ITSN2: variants seen among roughly 807,000 people sequenced by gnomAD.
The protein encoded by ITSN2 is intersectin 2, also known as intersectin-2.
In ITSN2, 156 loss-of-function variants were observed where a neutral mutation model predicts 243.7. The ratio of observed to expected loss-of-function variants is 0.64; its 90% confidence interval spans 0.56 to 0.73. The LOEUF is 0.73. ITSN2 is among the 30% of genes least tolerant of loss of function. ITSN2 has a pLI of 0.00. For synonymous variants in ITSN2, 703 were observed against 699.9 expected (o/e 1.00, Z -0.07); for missense variants, 1,801 against 1,996.1 (o/e 0.90, Z 1.86).
At chr2:24,327,312 T>C (rs2151835969) in intron 2 of ITSN2, among the ~76,000 whole-genome samples, 1 of 152,150 alleles carries the variant, frequency 6.6e-6, no homozygotes, top group East Asian at 1.9e-4. Flanking sequence ...TTTTCTTTTT[T>C]TTTTAAATGG....
chr2:24,323,161 G>A (rs1026923246), intron 2 of ITSN2, among the ~76,000 whole-genome samples: 8 of 149,776 alleles, frequency 5.3e-5, no homozygotes, highest in African/African-American at 2.0e-4. Flanking sequence ...AATTTCTTAT[G>A]AAGTTAAATA....
chr2:24,253,461 C>T (rs961887780), intron 24 of ITSN2, among the ~76,000 whole-genome samples: 4 of 152,216 alleles, frequency 2.6e-5, no homozygotes, highest in Admixed American at 6.5e-5. Flanking sequence ...GGTGACATGA[C>T]GTTCCCCCGT....
At chr2:24,218,068 G>A (rs758944743) in intron 30 of ITSN2, 55 bp from the exon 31 acceptor site, 37 of 1,143,022 alleles carry the variant, frequency 3.2e-5, no homozygotes, top group Admixed American at 1.7e-4. Context: ...CACAGCCTAC[G>A]TGTGGTCTAA....
At chr2:24,279,462 A>C (rs1678468092) in intron 17 of ITSN2, among the ~76,000 whole-genome samples, 1 of 152,240 alleles carries the variant, frequency 6.6e-6, no homozygotes, top group Non-Finnish European at 1.5e-5. Flanking sequence ...TTTTTTCACA[A>C]ATAACAAAAA....
intron 29 of ITSN2, chr2:24,241,408 A>G (rs1176957859): frequency 6.6e-6 from 1 of 152,368 alleles, no homozygotes; most frequent in Non-Finnish European, 1.5e-5. Context: ...ATGATGCAGT[A>G]CCTTCATTAG....
At chr2:24,346,195 T>C (rs1687514867) in intron 1 of ITSN2, among the ~76,000 whole-genome samples, 1 of 152,140 alleles carries the variant, frequency 6.6e-6, no homozygotes, top group Non-Finnish European at 1.5e-5. Context: ...AGGAAAAACT[T>C]GACAAACACT....
At chr2:24,240,572 T>C (rs1260221347) in intron 29 of ITSN2, 1 of 152,224 alleles carries the variant, frequency 6.6e-6, no homozygotes, top group African/African-American at 2.4e-5. Flanking sequence ...CCAAGCATCA[T>C]AAAGTTATGA....
chr2:24,324,298 A>G (rs1684917874), intron 2 of ITSN2, among the ~76,000 whole-genome samples: 1 of 152,118 alleles, frequency 6.6e-6, no homozygotes. Flanking sequence ...ATACATGGGT[A>G]TATATACCCC....
intron 29 of ITSN2, among the ~76,000 whole-genome samples, chr2:24,224,386 T>C (rs970199199): frequency 6.6e-6 from 1 of 152,262 alleles, no homozygotes; most frequent in East Asian, 1.9e-4. Flanking sequence ...CAGGTCCATT[T>C]TGTGTACCAG....
intron 1 of ITSN2, among the ~76,000 whole-genome samples, chr2:24,333,532 A>G (rs1481265909): frequency 6.6e-6 from 1 of 152,240 alleles, no homozygotes; most frequent in Non-Finnish European, 1.5e-5. Flanking sequence ...TGCAGTCATC[A>G]TGTATTTTGA....
intron 34 of ITSN2, 104 bp downstream of exon 34, chr2:24,210,676 G>C: frequency 1.1e-6 from 1 of 876,128 alleles, no homozygotes; most frequent in Non-Finnish European, 1.7e-6. Flanking sequence ...GTGAGTCCAC[G>C]CAGGCTGCCT....
intron 1 of ITSN2, among the ~76,000 whole-genome samples, chr2:24,331,072 T>TC (rs1685734501): frequency 6.8e-6 from 1 of 146,862 alleles, no homozygotes; most frequent in South Asian, 2.2e-4. Flanking sequence ...CGGCCACTTT[T>TC]TTTTTTTTTT....
At chr2:24,335,091 A>G in intron 1 of ITSN2, 1 of 191,600 alleles carries the variant, frequency 5.2e-6, no homozygotes. Context: ...AAAAAAAAAA[A>G]AAGATGCAAG....
At chr2:24,213,797 T>C (rs562768351) in intron 32 of ITSN2, among the ~76,000 whole-genome samples, 11 of 152,352 alleles carry the variant, frequency 7.2e-5, no homozygotes, top group African/African-American at 2.4e-4. Flanking sequence ...ATGGTCTTGG[T>C]TTCCATGTTT....
chr2:24,242,807 G>C (rs529573157), intron 29 of ITSN2, among the ~76,000 whole-genome samples: 7 of 152,154 alleles, frequency 4.6e-5, no homozygotes, highest in African/African-American at 1.7e-4. Flanking sequence ...TAGATGACAA[G>C]CCTTTAGCCA....
intron 29 of ITSN2, among the ~76,000 whole-genome samples, chr2:24,236,179 G>A (rs906745503): frequency 6.6e-6 from 1 of 152,166 alleles, no homozygotes; most frequent in Non-Finnish European, 1.5e-5. Context: ...AAGGAATGAT[G>A]TACAGCTACA....
intron 32 of ITSN2, among the ~76,000 whole-genome samples, chr2:24,215,500 C>A (rs1045532245): frequency 1.1e-4 from 17 of 152,006 alleles, no homozygotes; most frequent in African/African-American, 4.1e-4. Flanking sequence ...AACCCCGTCT[C>A]TACTAAAAAT....
intron 8 of ITSN2, among the ~76,000 whole-genome samples, chr2:24,305,328 G>A (rs910493271): frequency 6.6e-5 from 10 of 152,108 alleles, no homozygotes; most frequent in Non-Finnish European, 1.2e-4. Flanking sequence ...GTGGACAGGC[G>A]CGGTAGCTCA....
rs147230531 is a variant in ITSN2 at position 24,212,479 on chromosome 2, G to GCA, written c.4089+169_4089+170dup. 4.7e-3 allele frequency among the ~76,000 whole-genome samples: 722 copies of GCA among 152,044 alleles called. 5 individuals are homozygous for GCA. Among genetic ancestry groups the GCA allele is most frequent in the African/African-American group, 0.016 (675 of 41,478 alleles). On this transcript the variant is annotated intron_variant, in intron 33 of 39. Coordinates refer to ENST00000355123, the MANE Select transcript of ITSN2 (RefSeq NM_006277.3). The stretch of plus-strand genomic sequence containing the variant: ...CTTCAAGGATTCAGCGTGTTTCTGT[G>GCA]CACACACACACACAGGCATCTGGTC...
Sources: allele counts gnomAD v4.1 joint callset (sites outside exome capture counted in the v4.1 genomes callset), GRCh38; gene constraint gnomAD v4.1.1; transcripts MANE v1.5; gene names NCBI Gene and HGNC (gene_info 2026-07-23, HGNC 2026-07-21).